Variants in RNF17 observed in about 807,000 individuals in gnomAD.
RNF17 encodes the protein spermatogenesis associated 23.
RNF17 carries 31 observed loss-of-function variants against 200.5 expected under a neutral mutation model. The ratio of observed to expected loss-of-function variants is 0.15; its 90% CI spans 0.12 to 0.21. The LOEUF is 0.21. RNF17 is among the 10% of genes least tolerant of loss of function. The probability of loss-of-function intolerance (pLI) is 1.00; values close to 1 mark genes in which losing one functional copy is unlikely to be tolerated. For synonymous variants in RNF17, 606 were observed against 637.8 expected, an observed-to-expected ratio of 0.95 and a Z score of 0.75; for missense variants, 1,628 against 1,905.1, an observed-to-expected ratio of 0.85 and a Z score of 2.71.
chr13:24,789,932 C>T (rs1339284100), intron 9 of RNF17, among the ~76,000 whole-genome samples, 160 bp downstream of exon 9: 1 of 151,772 alleles, frequency 6.6e-6, no homozygotes, highest in Non-Finnish European at 1.5e-5. Context: ...TTTTAAAAGG[C>T]CTAGAAGGGA....
rs78621252 is a variant in RNF17 at position 24,770,864 on chromosome 13, G to A, written c.225+3498G>A. On this transcript the variant is annotated intron_variant, in intron 2 of 35. Coordinates refer to ENST00000255324, the MANE Select transcript of RNF17 (RefSeq NM_031277.3). ...TTTTAAAATTTTTTTCACTATAATT[G>A]TGTACAATTCCTCAACCTCACCTCC... Among the ~76,000 whole-genome samples, 808 of 151,904 alleles carry A rather than the reference G, an allele frequency of 5.3e-3. 22 individuals are homozygous for A. In the East Asian group the frequency reaches 0.081, roughly 15 times the overall value.
intron 10 of RNF17, among the ~76,000 whole-genome samples, chr13:24,795,390 CCT>C (rs1238896418): frequency 6.7e-5 from 10 of 149,792 alleles, no homozygotes; most frequent in African/African-American, 7.3e-5. Context: ...CTTCTCTCTC[CCT>C]CTCTCTCTCT....
intron 15 of RNF17, 82 bp from the exon 16 acceptor site, chr13:24,825,537 C>A: frequency 1.1e-6 from 1 of 879,196 alleles, no homozygotes; most frequent in Non-Finnish European, 1.7e-6. Flanking sequence ...TTCATAATTT[C>A]AATGACAGTG....
At chr13:24,763,379 T>A (rs112995737), upstream of RNF17, among the ~76,000 whole-genome samples, 4,283 of 148,150 alleles carry the variant, frequency 0.029, 201 homozygotes, top group African/African-American at 0.099. Flanking sequence ...ATTTTTTTTT[T>A]TTTTTTTTTT....
chr13:24,842,522 A>G (rs1246569668), intron 19 of RNF17, among the ~76,000 whole-genome samples: 2 of 152,206 alleles, frequency 1.3e-5, no homozygotes, highest in South Asian at 4.1e-4. Context: ...AGAGTAGCTT[A>G]CATTTCCATT....
chr13:24,824,470 T>A (rs536587410), intron 15 of RNF17: 6 of 316,364 alleles, frequency 1.9e-5, no homozygotes, highest in African/African-American at 1.1e-4. Context: ...AAGAAAAAAA[T>A]TCATTTTTTC....
intron 15 of RNF17, among the ~76,000 whole-genome samples, chr13:24,820,121 C>CTTTTTTTTTTTT (rs200683421): frequency 8.8e-6 from 1 of 113,302 alleles, no homozygotes; most frequent in African/African-American, 3.1e-5. Flanking sequence ...TTTCTTTTTT[C>CTTTTTTTTTTTT]TTTTTTTTTT....
chr13:24,821,608 C>T (rs1335030108), intron 15 of RNF17, among the ~76,000 whole-genome samples: 2 of 152,052 alleles, frequency 1.3e-5, no homozygotes, highest in Non-Finnish European at 2.9e-5. Context: ...TTTCTTCTTT[C>T]CACTCAATGC....
chr13:24,882,018 A>C (rs1179915554), downstream of RNF17, among the ~76,000 whole-genome samples: 33 of 47,466 alleles, frequency 7.0e-4, 4 homozygotes, highest in East Asian at 0.01. Flanking sequence ...ATATAGATAC[A>C]TCTATATAGA....
At chr13:24,836,079 C>T (rs943279305) in intron 18 of RNF17, among the ~76,000 whole-genome samples, 5 of 152,048 alleles carry the variant, frequency 3.3e-5, no homozygotes, top group African/African-American at 7.2e-5. Context: ...ACAAGGTCTT[C>T]GAATTAACCT....
intron 15 of RNF17, among the ~76,000 whole-genome samples, chr13:24,806,895 G>A (rs1450461565): frequency 2.7e-5 from 4 of 149,404 alleles, no homozygotes; most frequent in Admixed American, 6.8e-5. Flanking sequence ...AAGAATATGC[G>A]GTGTTTGGTT....
Position 24,845,227 on chromosome 13 carries a change from G to A in RNF17, c.3101+148G>A, listed in dbSNP as rs748486931. 4.9e-4 allele frequency: 276 copies of A among 567,628 alleles called. 2 individuals are homozygous for A. The highest frequency in any genetic ancestry group is 1.9e-4 in the South Asian group (8 of 42,192). The allele number at this position is 567,628 out of a possible 1,614,324, so 35.2% of individuals were successfully genotyped here. On this transcript the variant is annotated intron_variant, in intron 22 of 35. Transcript: ENST00000255324. Reference sequence around the variant, plus strand: ...AGGGAAAGAGAGAAGTTTGGAGCACGTAAATTTAGTGGCATTAAGAAATAG... The same window carrying A: ...AGGGAAAGAGAGAAGTTTGGAGCACATAAATTTAGTGGCATTAAGAAATAG...
At chr13:24,770,493 T>C (rs367972679) in intron 2 of RNF17, among the ~76,000 whole-genome samples, 1 of 152,272 alleles carries the variant, frequency 6.6e-6, no homozygotes, top group East Asian at 1.9e-4. Context: ...TAACCTCTTA[T>C]GAAATGCTAA....
Position 24,779,654 on chromosome 13 carries a change from C to T in RNF17, c.430-13C>T, listed in dbSNP as rs762124716. The stretch of plus-strand genomic sequence containing the variant: ...TAGTTTTATATTTGTATGTGATTTC[C>T]CTCCCTTCTTAGGACACTAATACTG... On this transcript the variant is annotated splice_polypyrimidine_tract_variant and intron_variant, in intron 4 of 35. Coordinates refer to ENST00000255324, the MANE Select transcript of RNF17 (RefSeq NM_031277.3). The T allele has an allele frequency of 1.8e-5, 28 of 1,593,470 alleles. No individual in the cohort carries two copies. The South Asian group carries it at 3.0e-4, about 17-fold the overall frequency.
intron 12 of RNF17, 61 bp downstream of exon 12, chr13:24,799,645 G>A: frequency 9.7e-7 from 1 of 1,029,058 alleles, no homozygotes; most frequent in Non-Finnish European, 1.4e-6. Context: ...GGGAGGTGGA[G>A]TTAAAGAATA....
chr13:24,815,428 GGTGTGTGTGTGTGTGTGTGTGTGTGT>G (rs60054136), intron 15 of RNF17, among the ~76,000 whole-genome samples: 190 of 144,194 alleles, frequency 1.3e-3, no homozygotes, highest in African/African-American at 4.4e-3. Flanking sequence ...GCCCTAACGG[GGTGTGTGTGTGTGTGTGTGTGTGTGT>G]GTGTGTGTGT....
intron 25 of RNF17, among the ~76,000 whole-genome samples, chr13:24,857,486 G>A (rs187892874): frequency 1.1e-3 from 168 of 152,278 alleles, no homozygotes; most frequent in African/African-American, 3.8e-3. Flanking sequence ...AAATTAACCT[G>A]CTTTCCACCA....
intron 15 of RNF17, among the ~76,000 whole-genome samples, chr13:24,807,444 CT>C (rs1360785948): frequency 2.0e-5 from 3 of 152,160 alleles, no homozygotes; most frequent in African/African-American, 4.8e-5. Context: ...GCATAAATGT[CT>C]TCTTTTGAGA....
chr13:24,850,008 T>A (rs1469033065), intron 22 of RNF17, among the ~76,000 whole-genome samples: 1 of 152,144 alleles, frequency 6.6e-6, no homozygotes, highest in Non-Finnish European at 1.5e-5. Context: ...GAGTTTACAG[T>A]CTAGTTGACA....
Sources: gnomAD v4.1 joint callset for allele counts (sites outside exome capture counted in the v4.1 genomes callset) on GRCh38, gnomAD v4.1.1 for gene constraint, MANE v1.5 for transcripts, NCBI Gene and HGNC (gene_info 2026-07-23, HGNC 2026-07-21) for gene names.